The following CPB1 variants were observed in gnomAD, a reference collection of about 807,000 sequenced individuals.
CPB1 encodes the protein carboxypeptidase B.
A neutral mutation model predicts 51.4 loss-of-function variants in CPB1; 53 were observed. The ratio of observed to expected loss-of-function variants is 1.03; its 90% CI spans 0.83 to 1.30. The LOEUF is 1.30. CPB1 is among the 50% of genes most tolerant of loss of function. The pLI is 0.00. For missense variants in CPB1, 494 were observed against 516.2 expected, an observed-to-expected ratio of 0.96 and a Z score of 0.42; for synonymous variants, 189 against 186.9, an observed-to-expected ratio of 1.01 and a Z score of -0.09.
chr3:148,840,579 G>A, intron 3 of CPB1, 107 bp from the exon 4 acceptor site: 1 of 861,362 alleles, frequency 1.2e-6, no homozygotes, highest in Admixed American at 1.9e-5. Flanking sequence ...AATTTATGGA[G>A]AGTGCAATGT....
At chr3:148,843,146 C>T (rs191122733) in intron 6 of CPB1, among the ~76,000 whole-genome samples, 280 of 152,144 alleles carry the variant, frequency 1.8e-3, no homozygotes, top group Admixed American at 4.2e-3. Flanking sequence ...GGAAAAAGGA[C>T]ATTAGTGGAT....
chr3:148,846,797 G>GTGTGTGTGTGTGTGTATA (rs1364486523), intron 9 of CPB1, among the ~76,000 whole-genome samples: 20 of 50,522 alleles, frequency 4.0e-4, no homozygotes, highest in Non-Finnish European at 7.3e-4. Context: ...GTGTGCGTGT[G>GTGTGTGTGTGTGTGTATA]TATATATATA....
At chr3:148,856,537 G>A (rs1465039216) in intron 9 of CPB1, 4 of 152,142 alleles carry the variant, frequency 2.6e-5, no homozygotes, top group South Asian at 2.1e-4. Context: ...AAATATAGCC[G>A]GTTTCATAAC....
chr3:148,829,021 A>T (rs759683199), intron 2 of CPB1, among the ~76,000 whole-genome samples: 9 of 152,190 alleles, frequency 5.9e-5, no homozygotes, highest in South Asian at 2.1e-4. Flanking sequence ...ACTTCCAGGA[A>T]TAGTTTGTAT....
intron 9 of CPB1, among the ~76,000 whole-genome samples, chr3:148,847,374 A>T (rs1444089284): frequency 2.6e-5 from 1 of 38,776 alleles, no homozygotes; most frequent in Non-Finnish European, 6.7e-5. Flanking sequence ...ATCATTCTTA[A>T]AAAAAAAAAA....
chr3:148,850,136 C>T (rs150879541), intron 9 of CPB1, among the ~76,000 whole-genome samples: 110 of 152,178 alleles, frequency 7.2e-4, no homozygotes, highest in African/African-American at 2.1e-3. Context: ...TATTCATTAA[C>T]GAGGAAAAAG....
In CPB1 at chr3:148,857,525, G is replaced by A. The variant is rs764246582; in HGVS notation, c.1050G>A (p.Pro350=). The change falls in exon 10 of 11, where the codon CCG becomes CCA. Residue 350 remains proline, a synonymous_variant. Transcript: ENST00000282957. ...SLHGTKYTYG[P]GATTIYPAAG... The stretch of plus-strand genomic sequence containing the variant: ...ACGGCACCAAGTACACATATGGCCC[G>A]GGAGCTACAACAATCTGTGAGTCTT... 4.4e-5 allele frequency: 71 copies of A among 1,613,412 alleles called. No homozygotes were observed. Among genetic ancestry groups the A allele is most frequent in the Middle Eastern group, 1.6e-4 (1 of 6,082 alleles).
intron 5 of CPB1, 148 bp downstream of exon 5, chr3:148,841,123 A>G (rs1473380017): frequency 3.4e-6 from 2 of 589,838 alleles, no homozygotes; most frequent in Admixed American, 6.3e-5. Flanking sequence ...CAGATTCCCC[A>G]GCTTCTTTTA....
At chr3:148,857,674 A>C (rs1477046320) in intron 10 of CPB1, 133 bp downstream of exon 10, 4 of 446,200 alleles carry the variant, frequency 9.0e-6, no homozygotes, top group Non-Finnish European at 1.5e-5. Flanking sequence ...TAAAATATGT[A>C]ATCAGTTTTC....
intron 8 of CPB1, 144 bp from the exon 9 acceptor site, chr3:148,845,280 T>C (rs762102944): frequency 1.8e-4 from 112 of 615,874 alleles, no homozygotes; most frequent in Non-Finnish European, 2.8e-4. Flanking sequence ...TATTTTACTA[T>C]ATAATATATA....
rs372026026 is a variant in CPB1, at chr3:148,840,664, C to A, written c.273-22C>A. The A allele has an allele frequency of 8.7e-6, 14 of 1,607,300 alleles. No individual in the cohort carries two copies. The African/African-American group carries it at 1.5e-4, about 17-fold the overall frequency. On this transcript the variant is annotated intron_variant, in intron 3 of 10. Transcript: ENST00000282957. Reference sequence around the variant, plus strand: ...AAAAATACACTTATGTTCATAGGAACACCCACTTTGGTTCGTTGCAGGGTA... The same window carrying A: ...AAAAATACACTTATGTTCATAGGAAAACCCACTTTGGTTCGTTGCAGGGTA...
chr3:148,827,814 G>A lies in CPB1; in HGVS notation c.-10G>A. The A allele has an allele frequency of 6.2e-7, 1 of 1,613,778 alleles. No individual in the cohort carries two copies. Among genetic ancestry groups the A allele is most frequent in the South Asian group, 1.1e-5 (1 of 91,070 alleles). Reference sequence around the variant, plus strand: ...AGATGAGACCTACCCACTAGACCTGGTCAGACACAATGTTGGCACTCTTGG... The same window carrying A: ...AGATGAGACCTACCCACTAGACCTGATCAGACACAATGTTGGCACTCTTGG... On this transcript the variant is annotated 5_prime_UTR_variant, in exon 1 of 11. Coordinates refer to ENST00000282957, the MANE Select transcript of CPB1 (RefSeq NM_001871.3).
chr3:148,852,812 G>A (rs372215475), intron 9 of CPB1, among the ~76,000 whole-genome samples: 9 of 152,282 alleles, frequency 5.9e-5, no homozygotes, highest in African/African-American at 9.6e-5. Flanking sequence ...CAGTGAAAGC[G>A]TTCCCACACT....
chr3:148,833,469 T>C (rs1559956340), intron 2 of CPB1, among the ~76,000 whole-genome samples: 1 of 152,118 alleles, frequency 6.6e-6, no homozygotes, highest in Non-Finnish European at 1.5e-5. Context: ...AACCTCTAAG[T>C]CTGCCCAAAC....
intron 3 of CPB1, among the ~76,000 whole-genome samples, chr3:148,836,772 T>C (rs3821497): frequency 0.37 from 56,093 of 152,012 alleles, 11,294 homozygotes; most frequent in Middle Eastern, 0.45. Context: ...ATACCAGCAA[T>C]ATCCTTGCTG....
At chr3:148,848,866 T>C (rs1207868468) in intron 9 of CPB1, among the ~76,000 whole-genome samples, 4 of 152,226 alleles carry the variant, frequency 2.6e-5, no homozygotes, top group Non-Finnish European at 4.4e-5. Flanking sequence ...AGAAAGTAGA[T>C]GGAATAACAA....
intron 3 of CPB1, among the ~76,000 whole-genome samples, chr3:148,838,981 C>CA (rs139777701): frequency 2.4e-5 from 2 of 84,446 alleles, no homozygotes; most frequent in Admixed American, 1.0e-4. Context: ...TGATGGTCCC[C>CA]AAAAAACTCT....
intron 2 of CPB1, among the ~76,000 whole-genome samples, chr3:148,829,349 T>C (rs1313775574): frequency 1.3e-5 from 2 of 152,218 alleles, no homozygotes; most frequent in Non-Finnish European, 2.9e-5. Context: ...GGCCATTGCT[T>C]GCCTTCATTT....
chr3:148,834,679 C>A (rs1245908225), intron 3 of CPB1, 57 bp downstream of exon 3: 1 of 1,526,874 alleles, frequency 6.5e-7, no homozygotes, highest in South Asian at 1.2e-5. Context: ...TTCATCTGAG[C>A]CTTTGAATAA....
Sources: allele counts gnomAD v4.1 joint callset (sites outside exome capture counted in the v4.1 genomes callset), GRCh38; gene constraint gnomAD v4.1.1; transcripts MANE v1.5; gene names NCBI Gene and HGNC (gene_info 2026-07-23, HGNC 2026-07-21).